The following FBXL5 variants were observed in gnomAD, a reference collection of about 807,000 sequenced individuals.
The protein encoded by FBXL5 is F-box/LRR-repeat protein 5.
Under a neutral mutation model 78.3 loss-of-function variants are expected in FBXL5, and 26 were observed. That is an observed-to-expected ratio of 0.33 (90% CI 0.24 to 0.46). The LOEUF is 0.46. FBXL5 is among the 20% of genes least tolerant of loss of function. The pLI, the probability that FBXL5 is intolerant of heterozygous loss-of-function variation, is 1.00. For synonymous variants in FBXL5, 295 were observed against 282.5 expected (o/e 1.04, Z -0.45); for missense variants, 710 against 829.2 (o/e 0.86, Z 1.77).
intron 1 of FBXL5, among the ~76,000 whole-genome samples, chr4:15,665,626 C>G (rs1380747411): frequency 6.6e-6 from 1 of 152,150 alleles, no homozygotes; most frequent in East Asian, 1.9e-4. Context: ...TAGCCTAGAG[C>G]ATTGTGCATA....
intron 9 of FBXL5, among the ~76,000 whole-genome samples, chr4:15,620,692 A>T (rs1577434187): frequency 6.6e-6 from 1 of 152,344 alleles, no homozygotes; most frequent in South Asian, 2.1e-4. Flanking sequence ...CCATAAACAA[A>T]ATCTCTGCAG....
At chr4:15,655,922 G>A (rs1310449380), upstream of FBXL5, among the ~76,000 whole-genome samples, 2 of 152,226 alleles carry the variant, frequency 1.3e-5, no homozygotes, top group African/African-American at 2.4e-5. Context: ...CAGAGCTGCG[G>A]GCTCTGAGAG....
chr4:15,623,879 G>GC (rs1186344123), intron 9 of FBXL5, among the ~76,000 whole-genome samples: 1 of 151,622 alleles, frequency 6.6e-6, no homozygotes, highest in Non-Finnish European at 1.5e-5. Flanking sequence ...TTGGAGTGCA[G>GC]CAGCATGATC....
chr4:15,652,739 T>G, intron 1 of FBXL5, among the ~76,000 whole-genome samples: 1 of 152,202 alleles, frequency 6.6e-6, no homozygotes, highest in Non-Finnish European at 1.5e-5. Context: ...ACATTCTACT[T>G]GAGAAGTTCA....
intron 5 of FBXL5, among the ~76,000 whole-genome samples, chr4:15,635,880 TTTTC>T (rs1318571299): frequency 2.0e-5 from 3 of 151,542 alleles, no homozygotes; most frequent in Non-Finnish European, 2.9e-5. Context: ...GAAAAGAAAA[TTTTC>T]TTTAACTGTT....
intron 1 of FBXL5, among the ~76,000 whole-genome samples, chr4:15,676,236 T>C (rs1310174447): frequency 6.6e-6 from 1 of 152,230 alleles, no homozygotes; most frequent in Admixed American, 6.5e-5. Context: ...TATGATGCAA[T>C]AGGATGTTTA....
chr4:15,614,889 C>A (rs1372200283), intron 9 of FBXL5, among the ~76,000 whole-genome samples: 2 of 152,164 alleles, frequency 1.3e-5, no homozygotes, highest in African/African-American at 4.8e-5. Flanking sequence ...GAGCCCACTC[C>A]CTCAGCTTGC....
chr4:15,613,318 G>A (rs564908033), intron 9 of FBXL5, among the ~76,000 whole-genome samples: 13 of 152,112 alleles, frequency 8.5e-5, no homozygotes, highest in Admixed American at 3.9e-4. Flanking sequence ...TGAATTAATC[G>A]TATACTTTTA....
intron 5 of FBXL5, among the ~76,000 whole-genome samples, chr4:15,632,033 G>T (rs1453674684): frequency 2.0e-5 from 3 of 152,148 alleles, no homozygotes; most frequent in Non-Finnish European, 4.4e-5. Context: ...TTCTTCTAGG[G>T]TTTTTATGGT....
chr4:15,635,409 TA>T (rs567046331), intron 5 of FBXL5, among the ~76,000 whole-genome samples: 110 of 151,546 alleles, frequency 7.3e-4, no homozygotes, highest in Middle Eastern at 7.0e-3. Context: ...AAATCAGACA[TA>T]AAGTCATAAA....
At chr4:15,623,388 C>T (rs1027607833) in intron 9 of FBXL5, among the ~76,000 whole-genome samples, 6 of 151,454 alleles carry the variant, frequency 4.0e-5, no homozygotes, top group Admixed American at 6.6e-5. Context: ...GAAGTCATTG[C>T]GGCTCTGAAA....
intron 9 of FBXL5, among the ~76,000 whole-genome samples, chr4:15,624,643 C>A: frequency 6.7e-6 from 1 of 149,338 alleles, no homozygotes; most frequent in South Asian, 2.1e-4. Context: ...GAAGATTATG[C>A]TTATTAAAAA....
upstream of FBXL5, among the ~76,000 whole-genome samples, chr4:15,655,716 G>C (rs1716850921): frequency 6.6e-6 from 1 of 152,230 alleles, no homozygotes; most frequent in South Asian, 2.1e-4. Flanking sequence ...GCCGCGGTCA[G>C]GGCCGCGAGC....
intron 1 of FBXL5, among the ~76,000 whole-genome samples, chr4:15,670,024 G>T (rs1717695711): frequency 6.6e-6 from 1 of 152,172 alleles, no homozygotes; most frequent in Non-Finnish European, 1.5e-5. Flanking sequence ...CTACTGTATT[G>T]TTATATCTCA....
In FBXL5 at chr4:15,613,672, C is replaced by A. The variant is rs112077684; in HGVS notation, c.1851-1258G>T. Among the ~76,000 whole-genome samples the A allele has an allele frequency of 3.0e-3, 462 of 151,954 alleles. 3 individuals carry two copies. Among genetic ancestry groups the A allele is most frequent in the African/African-American group, 5.2e-3 (214 of 41,490 alleles). On this transcript the variant is annotated intron_variant, in intron 9 of 10. Transcript: ENST00000341285. ...TGTTGGGTTGGGTTAATTTGAAAGC[C>A]TTGTCTTCAAGCTCTGAAGTTCTTT...
intron 5 of FBXL5, among the ~76,000 whole-genome samples, chr4:15,631,710 C>T (rs968132809): frequency 1.3e-5 from 2 of 152,108 alleles, no homozygotes; most frequent in Non-Finnish European, 2.9e-5. Flanking sequence ...GCTGCATAAA[C>T]GTCTTCCTTT....
chr4:15,678,419 T>A (rs532192705), intron 1 of FBXL5, among the ~76,000 whole-genome samples: 31 of 152,328 alleles, frequency 2.0e-4, no homozygotes, highest in Admixed American at 5.9e-4. Context: ...TATTCCCAAG[T>A]GGCATTGTAA....
At chr4:15,656,031 C>G (rs1264573403), upstream of FBXL5, among the ~76,000 whole-genome samples, 1 of 152,166 alleles carries the variant, frequency 6.6e-6, no homozygotes, top group Non-Finnish European at 1.5e-5. Context: ...TCGGGAGACT[C>G]AACGTGGGGG....
At chr4:15,619,539 A>C (rs2148553448) in intron 9 of FBXL5, among the ~76,000 whole-genome samples, 1 of 152,256 alleles carries the variant, frequency 6.6e-6, no homozygotes, top group African/African-American at 2.4e-5. Flanking sequence ...TGAAAAACTC[A>C]CAGCTAACAT....
Sources: gnomAD v4.1 joint callset for allele counts (sites outside exome capture counted in the v4.1 genomes callset) on GRCh38, gnomAD v4.1.1 for gene constraint, MANE v1.5 for transcripts, NCBI Gene and HGNC (gene_info 2026-07-23, HGNC 2026-07-21) for gene names.